Variants in MROH9 observed in about 807,000 individuals in gnomAD.
The protein encoded by MROH9 is maestro heat like repeat family member 9.
MROH9 carries 92 observed loss-of-function variants against 98.2 expected under a neutral mutation model. The observed-to-expected ratio is 0.94, with a 90% CI of 0.79 to 1.11. The LOEUF is 1.11. Among genes scored for constraint, MROH9 ranks in the 50% most tolerant of loss-of-function variants. MROH9 has a pLI of 0.00. For synonymous variants in MROH9, 397 were observed against 368.9 expected (o/e 1.08, Z -0.87); for missense variants, 1,057 against 1,014.8 (o/e 1.04, Z -0.57).
At chr1:171,035,416 G>A (rs759545054) in intron 20 of MROH9, among the ~76,000 whole-genome samples, 1 of 151,638 alleles carries the variant, frequency 6.6e-6, no homozygotes. Context: ...CACCAATAAA[G>A]TAGCAACGTT....
chr1:171,017,600 G>A (rs1652370199), intron 17 of MROH9, among the ~76,000 whole-genome samples: 4 of 152,170 alleles, frequency 2.6e-5, no homozygotes, highest in Admixed American at 2.6e-4. Flanking sequence ...ACTCCTTGGG[G>A]GAGGGGTGGC....
chr1:171,041,347 A>ATGTGTGTGTGTGTGTGTGTG (rs377650131), intron 20 of MROH9, among the ~76,000 whole-genome samples: 1 of 80,610 alleles, frequency 1.2e-5, no homozygotes, highest in African/African-American at 4.4e-5. Context: ...GTATTCCATG[A>ATGTGTGTGTGTGTGTGTGTG]TGTGTGTGTG....
At chr1:171,043,310 T>C (rs910283621) in intron 20 of MROH9, among the ~76,000 whole-genome samples, 4 of 152,054 alleles carry the variant, frequency 2.6e-5, no homozygotes, top group Non-Finnish European at 5.9e-5. Flanking sequence ...TCTTTCTGGG[T>C]TCTCTATTCT....
intron 3 of MROH9, among the ~76,000 whole-genome samples, chr1:170,956,703 C>T (rs539839665): frequency 8.4e-5 from 12 of 143,130 alleles, no homozygotes; most frequent in Admixed American, 5.7e-4. Context: ...GTACATTAAT[C>T]TTGTATCTGG....
chr1:171,035,217 T>C (rs1474637572), intron 20 of MROH9, among the ~76,000 whole-genome samples: 1 of 151,662 alleles, frequency 6.6e-6, no homozygotes, highest in Non-Finnish European at 1.5e-5. Context: ...TTTTGATATA[T>C]TAATTATAAT....
intron 3 of MROH9, among the ~76,000 whole-genome samples, chr1:170,948,912 C>A (rs1649440760): frequency 6.6e-6 from 1 of 152,018 alleles, no homozygotes; most frequent in Non-Finnish European, 1.5e-5. Flanking sequence ...AGCTATGGTT[C>A]CCCAGGAAGC....
At chr1:170,956,066 AAAGG>A (rs976389874) in intron 3 of MROH9, among the ~76,000 whole-genome samples, 2 of 152,124 alleles carry the variant, frequency 1.3e-5, no homozygotes, top group African/African-American at 4.8e-5. Flanking sequence ...CATTTGTTGA[AAAGG>A]GTGTCCTTTC....
chr1:170,996,641 CTAAG>C lies in MROH9; in HGVS notation c.1475+2_1475+5del, dbSNP rs768793620. ...TACTATCATGGAGTCTGCTTTATTG[CTAAG>C]TAAGAACAGGGGTCTCTGTGTAGGA... is the stretch of plus-strand genomic sequence containing the variant. On this transcript the variant is annotated splice_donor_variant and coding_sequence_variant, in exon 14 of 22. Transcript: ENST00000367759. LOFTEE classifies it high-confidence loss of function. 9.3e-6 allele frequency: 15 copies of C among 1,613,072 alleles called. No individual in the cohort carries two copies. The highest frequency in any genetic ancestry group is 1.3e-5 in the Non-Finnish European group (15 of 1,179,450).
chr1:171,051,377 G>C (rs1212271843), intron 20 of MROH9, among the ~76,000 whole-genome samples: 1 of 151,886 alleles, frequency 6.6e-6, no homozygotes, highest in Non-Finnish European at 1.5e-5. Flanking sequence ...AGAAAATGTG[G>C]TACATATATG....
At chr1:170,990,507 G>T (rs1461668423) in intron 11 of MROH9, among the ~76,000 whole-genome samples, 1 of 152,102 alleles carries the variant, frequency 6.6e-6, no homozygotes. Context: ...CACAAGAAAA[G>T]TTTAAGAAGA....
At chr1:171,060,307 T>C (rs1407056151) in intron 20 of MROH9, among the ~76,000 whole-genome samples, 1 of 152,200 alleles carries the variant, frequency 6.6e-6, no homozygotes, top group Non-Finnish European at 1.5e-5. Flanking sequence ...AGGGATATAT[T>C]ATGCTCATTG....
chr1:171,047,570 A>T (rs1045632247), intron 20 of MROH9, among the ~76,000 whole-genome samples: 19 of 152,036 alleles, frequency 1.2e-4, no homozygotes, highest in African/African-American at 4.6e-4. Flanking sequence ...TTGGTGTTAT[A>T]TTGAATTTCT....
At chr1:171,011,914 C>T (rs749365765) in intron 15 of MROH9, among the ~76,000 whole-genome samples, 1 of 151,620 alleles carries the variant, frequency 6.6e-6, no homozygotes, top group African/African-American at 2.4e-5. Context: ...ATGATTTCTG[C>T]CTTTATTATT....
At chr1:170,961,155 A>G (rs1398690382) in intron 5 of MROH9, among the ~76,000 whole-genome samples, 2 of 152,230 alleles carry the variant, frequency 1.3e-5, no homozygotes, top group African/African-American at 4.8e-5. Flanking sequence ...CCTTTCAATG[A>G]ACTTAAAGCA....
chr1:171,031,063 T>C (rs932783719), intron 20 of MROH9, among the ~76,000 whole-genome samples: 12 of 152,236 alleles, frequency 7.9e-5, no homozygotes, highest in African/African-American at 2.9e-4. Flanking sequence ...TTTTGATCTT[T>C]CTTGGTTTTA....
At position 171,044,972 on chromosome 1, in the gene MROH9, CTTTTTTTTTTTTTTTTTTTT is replaced by C. The variant is rs754332732; in HGVS notation, c.2282-17132_2282-17113del. Reference sequence around the variant, plus strand: ...CAATTCCATTTATTTCTGCTCTGATCTTTTTTTTTTTTTTTTTTTTTTTTTTTTTTTTTTTTTTTTTTTTT... The same window carrying C: ...CAATTCCATTTATTTCTGCTCTGATCTTTTTTTTTTTTTTTTTTTTTTTTT... On this transcript the variant is annotated intron_variant, in intron 20 of 21. Coordinates refer to ENST00000367759, the MANE Select transcript of MROH9 (RefSeq NM_001163629.2). Among the ~76,000 whole-genome samples, 16 of 45,706 alleles carry C rather than the reference CTTTTTTTTTTTTTTTTTTTT, an allele frequency of 3.5e-4. No individual in the cohort carries two copies. The South Asian group carries it at 3.8e-3, about 11-fold the overall frequency. The allele number at this position is 45,706 out of a possible 152,430, so 30.0% of individuals were successfully genotyped here.
At chr1:170,948,554 G>A (rs114213837) in intron 3 of MROH9, among the ~76,000 whole-genome samples, 162 of 152,108 alleles carry the variant, frequency 1.1e-3, no homozygotes, top group African/African-American at 3.5e-3. Flanking sequence ...AATATTTATT[G>A]AGAATCTACT....
intron 17 of MROH9, 60 bp downstream of exon 17, chr1:171,016,396 G>A (rs554701108): frequency 7.9e-7 from 1 of 1,266,314 alleles, no homozygotes; most frequent in South Asian, 2.4e-5. Context: ...TGAAACTCAA[G>A]TTGAGGCAGT....
intron 20 of MROH9, among the ~76,000 whole-genome samples, chr1:171,051,430 C>G (rs1401464243): frequency 6.6e-6 from 1 of 152,016 alleles, no homozygotes; most frequent in African/African-American, 2.4e-5. Context: ...GAGATCATGT[C>G]CTTTGCACAG....
Sources: gnomAD v4.1 joint callset for allele counts (sites outside exome capture counted in the v4.1 genomes callset) on GRCh38, gnomAD v4.1.1 for gene constraint, MANE v1.5 for transcripts, NCBI Gene and HGNC (gene_info 2026-07-23, HGNC 2026-07-21) for gene names.